CLDN16: variants seen among roughly 807,000 people sequenced by gnomAD.
The protein encoded by CLDN16 is claudin 16.
A neutral mutation model predicts 24.6 loss-of-function variants in CLDN16; 13 were observed. That is an observed-to-expected ratio of 0.53 (90% CI 0.34 to 0.84). The LOEUF (loss-of-function observed/expected upper bound fraction) is 0.84, where lower values mean the gene tolerates loss of function less well. Ranked by LOEUF, CLDN16 falls within the 40% of genes least tolerant of loss-of-function variation. The probability of loss-of-function intolerance (pLI) is 0.01; values close to 1 mark genes in which losing one functional copy is unlikely to be tolerated. For missense variants in CLDN16, 298 were observed against 292.7 expected (o/e 1.02, Z -0.13); for synonymous variants, 116 against 106.7 (o/e 1.09, Z -0.54).
chr3:190,366,541 T>C (rs1718028657), intron 1 of CLDN16, among the ~76,000 whole-genome samples: 1 of 151,996 alleles, frequency 6.6e-6, no homozygotes, highest in Non-Finnish European at 1.5e-5. Flanking sequence ...GGAGATTTAC[T>C]AACCAGTGCT....
chr3:190,351,714 A>G (rs994602980), intron 1 of CLDN16, among the ~76,000 whole-genome samples: 1 of 152,176 alleles, frequency 6.6e-6, no homozygotes, highest in Non-Finnish European at 1.5e-5. Flanking sequence ...GGAGAAATAG[A>G]GGTAAACAGA....
At chr3:190,339,707 T>C (rs916362740) in intron 1 of CLDN16, among the ~76,000 whole-genome samples, 1 of 152,216 alleles carries the variant, frequency 6.6e-6, no homozygotes, top group East Asian at 1.9e-4. Flanking sequence ...TAAAAACTCA[T>C]TAAACAATTA....
intron 3 of CLDN16, among the ~76,000 whole-genome samples, chr3:190,407,949 C>CT (rs1719147613): frequency 6.6e-6 from 1 of 152,110 alleles, no homozygotes; most frequent in Admixed American, 6.6e-5. Flanking sequence ...AGACTACATT[C>CT]TTTTTCTGTT....
chr3:190,367,015 A>T (rs1374296287), intron 1 of CLDN16, among the ~76,000 whole-genome samples: 4 of 152,038 alleles, frequency 2.6e-5, no homozygotes, highest in African/African-American at 9.6e-5. Flanking sequence ...CAAGATACAT[A>T]AAAACATTCA....
At chr3:190,405,721 T>C (rs1454906189) in intron 3 of CLDN16, among the ~76,000 whole-genome samples, 1 of 152,174 alleles carries the variant, frequency 6.6e-6, no homozygotes, top group Non-Finnish European at 1.5e-5. Flanking sequence ...GATCATATTG[T>C]TATCCTCACT....
At chr3:190,296,777 C>T in the CLDN16 span, among the ~76,000 whole-genome samples, 3 of 152,034 alleles carry the variant, frequency 2.0e-5, no homozygotes, top group African/African-American at 7.2e-5. Flanking sequence ...GTCTCGATCT[C>T]CTGACCTCGT....
At chr3:190,345,877 C>T (rs1413671404) in intron 1 of CLDN16, among the ~76,000 whole-genome samples, 1 of 152,030 alleles carries the variant, frequency 6.6e-6, no homozygotes, top group African/African-American at 2.4e-5. Flanking sequence ...GTATTGATTA[C>T]ATTGTATTGA....
intron 3 of CLDN16, among the ~76,000 whole-genome samples, chr3:190,375,884 CAA>C (rs11358264): frequency 6.6e-6 from 1 of 151,382 alleles, no homozygotes; most frequent in Non-Finnish European, 1.5e-5. Flanking sequence ...CCTCCCCCCA[CAA>C]AAAAACACCC....
upstream of CLDN16, among the ~76,000 whole-genome samples, chr3:190,385,073 G>A (rs1399345255): frequency 6.6e-6 from 1 of 151,984 alleles, no homozygotes; most frequent in Non-Finnish European, 1.5e-5. Flanking sequence ...AACCTCTCAA[G>A]GACTAGGATG....
rs537088739 is a variant in CLDN16 at position 190,411,658 on chromosome 3, A to G, written c.*1622A>G. 2 of 152,210 alleles carry G rather than the reference A, an allele frequency of 1.3e-5. No homozygotes were observed. The highest frequency in any genetic ancestry group is 2.9e-5 in the Non-Finnish European group (2 of 68,012). 9.4% of individuals were successfully genotyped at this position (152,210 alleles called of 1,614,324 possible). ...ATGTGAAAATGAGATTATGATTCCT[A>G]CTACATGAATTAACGTTTCGAGATT... On this transcript the variant is annotated 3_prime_UTR_variant, in exon 5 of 5. Coordinates refer to ENST00000264734, the MANE Select transcript of CLDN16 (RefSeq NM_006580.4).
chr3:190,386,548 C>T (rs1324877925), upstream of CLDN16, among the ~76,000 whole-genome samples: 1 of 152,144 alleles, frequency 6.6e-6, no homozygotes, highest in Admixed American at 6.5e-5. Context: ...AGGGATGATT[C>T]ATATCCCATG....
the CLDN16 span, among the ~76,000 whole-genome samples, chr3:190,316,950 T>C: frequency 4.5e-4 from 69 of 152,298 alleles, no homozygotes; most frequent in Admixed American, 1.3e-3. Context: ...TAATACAAAT[T>C]GTACTTTTTG....
intron 1 of CLDN16, among the ~76,000 whole-genome samples, chr3:190,323,372 A>G (rs1716986554): frequency 6.6e-6 from 1 of 152,104 alleles, no homozygotes; most frequent in Non-Finnish European, 1.5e-5. Context: ...GCTGGAGTTG[A>G]GGAAGTCTGG....
At chr3:190,307,130 C>T in the CLDN16 span, 1 of 152,616 alleles carries the variant, frequency 6.6e-6, no homozygotes, top group South Asian at 2.1e-4. Flanking sequence ...ATCATTATCT[C>T]AATTTGGCAG....
intron 3 of CLDN16, among the ~76,000 whole-genome samples, chr3:190,378,211 G>T (rs571282142): frequency 6.6e-6 from 1 of 151,874 alleles, no homozygotes; most frequent in Non-Finnish European, 1.5e-5. Context: ...AAAAGGTCAC[G>T]TATGAATGAG....
At chr3:190,374,957 T>A (rs913287262) in intron 3 of CLDN16, among the ~76,000 whole-genome samples, 2 of 151,992 alleles carry the variant, frequency 1.3e-5, no homozygotes, top group Non-Finnish European at 2.9e-5. Flanking sequence ...TAAGTTTACA[T>A]GGCATTAGAT....
chr3:190,335,036 T>G (rs1486356445), intron 1 of CLDN16, among the ~76,000 whole-genome samples: 1 of 149,994 alleles, frequency 6.7e-6, no homozygotes, highest in African/African-American at 2.5e-5. Flanking sequence ...TTTTTTTTTT[T>G]TTGTTTGTTG....
chr3:190,315,870 G>A, the CLDN16 span, among the ~76,000 whole-genome samples: 1 of 152,148 alleles, frequency 6.6e-6, no homozygotes, highest in Admixed American at 6.5e-5. Flanking sequence ...GAGTCGGACT[G>A]TGTAAAACCC....
Position 190,371,109 on chromosome 3 carries a change from A to G in CLDN16, n.230+108A>G, listed in dbSNP as rs1161706952. The G allele has an allele frequency of 2.1e-4, 31 of 148,224 alleles. No homozygotes were observed. In the Admixed American group the frequency reaches 2.1e-3, roughly 10 times the overall value. 9.2% of individuals were successfully genotyped at this position (148,224 alleles called of 1,614,324 possible). ...TATAAATATATAGGGTATAATATAT[A>G]TATATTTATCCTATTAGTTCTGTAC... is the stretch of plus-strand genomic sequence containing the variant. On this transcript the variant is annotated intron_variant and non_coding_transcript_variant, in intron 2 of 4. Transcript: ENST00000468220.
Sources: gnomAD v4.1 joint callset for allele counts (sites outside exome capture counted in the v4.1 genomes callset) on GRCh38, gnomAD v4.1.1 for gene constraint, MANE v1.5 for transcripts, NCBI Gene and HGNC (gene_info 2026-07-23, HGNC 2026-07-21) for gene names.